Variants in SPG11 observed in about 807,000 individuals in gnomAD.
SPG11 encodes the protein SPG11 vesicle trafficking associated, spatacsin, also known as spatacsin.
Under a neutral mutation model 274.0 loss-of-function variants are expected in SPG11, and 222 were observed. The ratio of observed to expected loss-of-function variants is 0.81; its 90% CI spans 0.73 to 0.91. SPG11 has a LOEUF of 0.91. Ranked by LOEUF, SPG11 falls within the 40% of genes least tolerant of loss-of-function variation. The pLI is 0.00. For synonymous variants in SPG11, 1,144 were observed against 1,039.7 expected, an observed-to-expected ratio of 1.10 and a Z score of -1.93; for missense variants, 3,114 against 2,872.7, an observed-to-expected ratio of 1.08 and a Z score of -1.92.
chr15:44,586,102 G>A (rs375977389), intron 28 of SPG11, among the ~76,000 whole-genome samples: 13 of 148,722 alleles, frequency 8.7e-5, no homozygotes, highest in South Asian at 6.4e-4. Flanking sequence ...CTCCTGCCTC[G>A]GCCTCCTGAG....
At chr15:44,566,978 C>T (rs563960450) in intron 36 of SPG11, among the ~76,000 whole-genome samples, 2 of 150,910 alleles carry the variant, frequency 1.3e-5, no homozygotes, top group African/African-American at 2.4e-5. Context: ...GCTAGGATTA[C>T]AGGCATGAGC....
At chr15:44,633,825 G>A (rs931955148) in intron 7 of SPG11, among the ~76,000 whole-genome samples, 188 bp from the exon 8 acceptor site, 1 of 151,888 alleles carries the variant, frequency 6.6e-6, no homozygotes, top group Non-Finnish European at 1.5e-5. Flanking sequence ...GCAAGACTCT[G>A]TAACCTTTCT....
At chr15:44,581,567 G>C (rs1745073241) in intron 30 of SPG11, among the ~76,000 whole-genome samples, 1 of 149,460 alleles carries the variant, frequency 6.7e-6, no homozygotes. Context: ...GTAAAATAGA[G>C]ACATTCTCAG....
At chr15:44,573,900 T>C in intron 31 of SPG11, 155 bp from the exon 32 acceptor site, 1 of 682,986 alleles carries the variant, frequency 1.5e-6, no homozygotes, top group African/African-American at 1.8e-5. Context: ...AAGTACTGTT[T>C]TCTAACCCTT....
At chr15:44,609,309 T>C (rs1050837780) in intron 18 of SPG11, among the ~76,000 whole-genome samples, 13 of 152,010 alleles carry the variant, frequency 8.6e-5, no homozygotes, top group South Asian at 2.1e-4. Context: ...TTTTTTTTTT[T>C]TGTATTTTTA....
In SPG11 at chr15:44,563,153, C is replaced by T. The variant is rs2082228032; in HGVS notation, c.7300G>A (p.Gly2434Ser). 6.2e-7 allele frequency: 1 copy of T among 1,614,184 alleles called. No homozygotes were observed. Residue 2434 changes from glycine (G) to serine (S), a missense_variant, in exon 40 of 40, where the codon GGT (glycine) becomes AGT (serine). Transcript: ENST00000261866. Reference sequence around the variant, plus strand: ...GCTAGCATGTCCTTTAGACAGCAACCTGTCTGAGGGTCCTTCAGAAGCACA... The same window carrying T: ...GCTAGCATGTCCTTTAGACAGCAACTTGTCTGAGGGTCCTTCAGAAGCACA... ...VNVLLKDPQT[G>S]CCLKDMLAG
At chr15:44,639,188 C>T (rs950952137) in intron 7 of SPG11, among the ~76,000 whole-genome samples, 2 of 151,740 alleles carry the variant, frequency 1.3e-5, no homozygotes, top group Non-Finnish European at 2.9e-5. Context: ...ATCCAATACC[C>T]ATTCATGATA....
rs2083077032 is a variant in SPG11 at position 44,597,535 on chromosome 15, G to A, written c.4002-592C>T. On this transcript the variant is annotated intron_variant, in intron 23 of 39. Transcript: ENST00000261866. ...TACTGGCTGTGTAGCATCCTTAGGA[G>A]AACTGAGGAAGTTGTCAGTCAAGAA... 2.0e-5 allele frequency among the ~76,000 whole-genome samples: 3 copies of A among 152,310 alleles called. 1 individual carries two copies. The South Asian group carries it at 6.2e-4, about 32-fold the overall frequency.
At chr15:44,634,897 T>C (rs2084192166) in intron 7 of SPG11, among the ~76,000 whole-genome samples, 1 of 151,992 alleles carries the variant, frequency 6.6e-6, no homozygotes, top group African/African-American at 2.4e-5. Flanking sequence ...ATATTTTTAA[T>C]AAACAAAAAT....
chr15:44,582,566 A>G (rs1381380925), intron 30 of SPG11, among the ~76,000 whole-genome samples: 1 of 152,150 alleles, frequency 6.6e-6, no homozygotes, highest in Middle Eastern at 3.2e-3. Context: ...AAACAGTACA[A>G]TAAAGAAAAT....
In SPG11 at chr15:44,608,742, T is replaced by C. The variant is rs1430791662; in HGVS notation, c.3292-137A>G. On this transcript the variant is annotated intron_variant, in intron 18 of 39. Coordinates refer to ENST00000261866, the MANE Select transcript of SPG11 (RefSeq NM_025137.4). ...AGTGAATATAGCATTAGACAAGTAG[T>C]CATAAGTTAACAGTTCTTGTTCTGG... 5.1e-6 allele frequency: 4 copies of C among 779,000 alleles called. No homozygotes were observed. The African/African-American group carries it at 7.0e-5, about 14-fold the overall frequency. 48.3% of individuals were successfully genotyped at this position (779,000 alleles called of 1,614,324 possible).
chr15:44,646,476 C>G (rs1281564228), intron 7 of SPG11, among the ~76,000 whole-genome samples: 3 of 152,194 alleles, frequency 2.0e-5, no homozygotes, highest in African/African-American at 4.8e-5. Flanking sequence ...TGAGAACTCA[C>G]TATCAGGAGA....
chr15:44,618,629 A>G (rs1354894429), intron 15 of SPG11, among the ~76,000 whole-genome samples: 2 of 151,538 alleles, frequency 1.3e-5, no homozygotes, highest in African/African-American at 4.9e-5. Context: ...CATCCTGGCT[A>G]ACATGGTGAA....
intron 30 of SPG11, among the ~76,000 whole-genome samples, chr15:44,579,894 A>G (rs1037732356): frequency 2.6e-5 from 4 of 152,202 alleles, no homozygotes; most frequent in Non-Finnish European, 4.4e-5. Context: ...TCATTGTGAC[A>G]TAGCACAATT....
chr15:44,646,351 G>C (rs1481331160), intron 7 of SPG11, among the ~76,000 whole-genome samples: 1 of 152,160 alleles, frequency 6.6e-6, no homozygotes, highest in Non-Finnish European at 1.5e-5. Context: ...GCATGGCTGG[G>C]AGGCCTCAGG....
chr15:44,604,049 TA>T (rs1567155778), intron 20 of SPG11: 1 of 367,932 alleles, frequency 2.7e-6, no homozygotes. Flanking sequence ...ACCTATTTTT[TA>T]AAAAAGACAA....
At position 44,565,901 on chromosome 15, in the gene SPG11, G is replaced by A. The variant is rs377341108; in HGVS notation, c.6952C>T (p.Arg2318Cys). Residue 2318 changes from arginine (R) to cysteine (C), a missense_variant, in exon 38 of 40, where the codon CGC becomes TGC. By Grantham distance (180) the Arg-to-Cys change is radical. Transcript: ENST00000261866. ...AGAATACAGTCCATCAGCTTGTGGC[G>A]GCCCAAGTTGATGAGCATTGTGTTC... ...GQNTMLINLG[R>C]HKLMDCILAL... 190 of 1,613,616 alleles carry A rather than the reference G, an allele frequency of 1.2e-4. No homozygotes were observed. Among genetic ancestry groups the A allele is most frequent in the Middle Eastern group, 1.6e-4 (1 of 6,076 alleles).
At chr15:44,572,514 A>G (rs1156638278) in intron 33 of SPG11, 169 bp downstream of exon 33, 19 of 660,378 alleles carry the variant, frequency 2.9e-5, no homozygotes, top group African/African-American at 5.5e-5. Context: ...CATAATTTCT[A>G]AATTTTCTTC....
intron 4 of SPG11, among the ~76,000 whole-genome samples, chr15:44,653,108 T>A (rs927864029): frequency 1.3e-5 from 2 of 151,788 alleles, no homozygotes; most frequent in East Asian, 1.9e-4. Flanking sequence ...AAATGAGAAG[T>A]AAGATGGAAT....
Sources: gnomAD v4.1 joint callset for allele counts (sites outside exome capture counted in the v4.1 genomes callset) on GRCh38, gnomAD v4.1.1 for gene constraint, MANE v1.5 for transcripts, NCBI Gene and HGNC (gene_info 2026-07-23, HGNC 2026-07-21) for gene names.